CACNA2D1: variants seen among roughly 807,000 people sequenced by gnomAD.
CACNA2D1 encodes voltage-dependent calcium channel subunit alpha-2/delta-1.
A neutral mutation model predicts 171.5 loss-of-function variants in CACNA2D1; 53 were observed. The ratio of observed to expected loss-of-function variants is 0.31; its 90% confidence interval spans 0.25 to 0.39. The LOEUF is 0.39. Among genes scored for constraint, CACNA2D1 ranks in the 10% least tolerant of loss-of-function variants. CACNA2D1 has a pLI of 1.00. For synonymous variants in CACNA2D1, 442 were observed against 443.1 expected (o/e 1.00, Z 0.03); for missense variants, 903 against 1,299.8 (o/e 0.69, Z 4.69).
At chr7:82,047,984 G>T (rs1258324314) in intron 10 of CACNA2D1, among the ~76,000 whole-genome samples, 1 of 152,062 alleles carries the variant, frequency 6.6e-6, no homozygotes, top group East Asian at 1.9e-4. Context: ...ATCTAGGCCT[G>T]GAAGCATCCA....
chr7:82,203,408 C>T (rs1457264930), intron 3 of CACNA2D1, among the ~76,000 whole-genome samples: 3 of 152,152 alleles, frequency 2.0e-5, no homozygotes, highest in Admixed American at 1.3e-4. Flanking sequence ...GGGAGGGCGA[C>T]AATGAACTTT....
chr7:82,375,890 G>C (rs944784067), intron 1 of CACNA2D1, among the ~76,000 whole-genome samples: 1 of 152,126 alleles, frequency 6.6e-6, no homozygotes, highest in Non-Finnish European at 1.5e-5. Flanking sequence ...CTGACTCCAG[G>C]AGGAAGCTTA....
At position 82,250,501 on chromosome 7, in the gene CACNA2D1, C is replaced by T. The variant is rs1235838747; in HGVS notation, c.295-79892G>A. On this transcript the variant is annotated intron_variant, in intron 3 of 38. Transcript: ENST00000356860. ...ACTTCATCACATAAGTAGGTACATA[C>T]AGGCAATTCTTAGGGATCTGCACCT... Among the ~76,000 whole-genome samples, 4 of 152,218 alleles carry T rather than the reference C, an allele frequency of 2.6e-5. No homozygotes were observed. The East Asian group carries it at 7.7e-4, about 29-fold the overall frequency.
chr7:82,225,571 C>T (rs565700831), intron 3 of CACNA2D1, among the ~76,000 whole-genome samples: 1 of 152,166 alleles, frequency 6.6e-6, no homozygotes, highest in South Asian at 2.1e-4. Flanking sequence ...TTAGAAAAAG[C>T]CTATTCAATA....
chr7:82,331,584 C>T (rs905330643), intron 3 of CACNA2D1, among the ~76,000 whole-genome samples: 1 of 152,192 alleles, frequency 6.6e-6, no homozygotes. Context: ...CTATTCTACA[C>T]TTAATTAGCC....
At chr7:82,178,528 C>A (rs1263156978) in intron 3 of CACNA2D1, among the ~76,000 whole-genome samples, 2 of 152,066 alleles carry the variant, frequency 1.3e-5, no homozygotes, top group Non-Finnish European at 1.5e-5. Context: ...CATGAAAACC[C>A]CTCCAATCCC....
At chr7:82,223,059 A>G (rs993060264) in intron 3 of CACNA2D1, among the ~76,000 whole-genome samples, 5 of 151,742 alleles carry the variant, frequency 3.3e-5, no homozygotes, top group Non-Finnish European at 7.4e-5. Flanking sequence ...ACATGTCACC[A>G]CACCCAGCTA....
intron 3 of CACNA2D1, among the ~76,000 whole-genome samples, chr7:82,217,028 C>T (rs917689281): frequency 6.6e-6 from 1 of 151,598 alleles, no homozygotes; most frequent in Admixed American, 6.6e-5. Context: ...TGTATAGTTG[C>T]CAAATTTATA....
chr7:82,002,486 T>C (rs1798713554), intron 18 of CACNA2D1, among the ~76,000 whole-genome samples: 1 of 152,264 alleles, frequency 6.6e-6, no homozygotes, highest in Non-Finnish European at 1.5e-5. Context: ...CGTTTCATAT[T>C]TGTGCCTTTG....
rs368034381 is a variant in CACNA2D1, at chr7:82,039,999, G to C, written c.880-1764C>G. 3.9e-5 allele frequency among the ~76,000 whole-genome samples: 6 copies of C among 152,260 alleles called. No individual in the cohort carries two copies. The East Asian group carries it at 7.7e-4, about 20-fold the overall frequency. On this transcript the variant is annotated intron_variant, in intron 10 of 38. Transcript: ENST00000356860. ...ATCTTAAGCCAAATGTAAAATAATT[G>C]AATCTGGAATTTTAAGAGTGCATCC...
chr7:82,208,897 T>C (rs575605309), intron 3 of CACNA2D1, among the ~76,000 whole-genome samples: 1 of 152,316 alleles, frequency 6.6e-6, no homozygotes, highest in South Asian at 2.1e-4. Context: ...GATTTAGCCA[T>C]TCTACAATGT....
intron 12 of CACNA2D1, among the ~76,000 whole-genome samples, chr7:82,015,096 C>T (rs2130956568): frequency 6.6e-6 from 1 of 152,224 alleles, no homozygotes; most frequent in Admixed American, 6.5e-5. Context: ...GAAAATACAT[C>T]TTTGAGGTCC....
intron 4 of CACNA2D1, among the ~76,000 whole-genome samples, chr7:82,164,361 T>C (rs1290286612): frequency 6.6e-6 from 1 of 152,012 alleles, no homozygotes; most frequent in East Asian, 1.9e-4. Flanking sequence ...AACTACACAG[T>C]GAGCTATACT....
chr7:82,344,771 T>C (rs1819056128), intron 2 of CACNA2D1, among the ~76,000 whole-genome samples: 2 of 152,170 alleles, frequency 1.3e-5, no homozygotes, highest in Non-Finnish European at 2.9e-5. Context: ...CCTACATCGT[T>C]ATGGTGCTGA....
intron 3 of CACNA2D1, among the ~76,000 whole-genome samples, chr7:82,258,817 C>CTTTTA (rs1428142482): frequency 1.4e-5 from 1 of 72,618 alleles, no homozygotes; most frequent in Non-Finnish European, 2.6e-5. Flanking sequence ...TCTTACTTTT[C>CTTTTA]TTTTTTTTTT....
intron 18 of CACNA2D1, among the ~76,000 whole-genome samples, chr7:82,002,599 T>C (rs1441596304): frequency 6.6e-6 from 1 of 152,226 alleles, no homozygotes; most frequent in Non-Finnish European, 1.5e-5. Flanking sequence ...ACATAGATTA[T>C]GCACAATTTC....
At position 82,111,394 on chromosome 7, in the gene CACNA2D1, GTATA is replaced by G. The variant is rs1169376282; in HGVS notation, c.526+5646_526+5649del. 1.9e-4 allele frequency among the ~76,000 whole-genome samples: 21 copies of G among 107,760 alleles called. 1 individual carries two copies. Among genetic ancestry groups the G allele is most frequent in the Admixed American group, 7.1e-4 (7 of 9,802 alleles). 70.7% of individuals were successfully genotyped at this position (107,760 alleles called of 152,430 possible). ...TATATATTCATATATGTGTATATATGTATATATATATTCATATATGTGTATATAT... is the reference window on the plus strand; with the variant it reads ...TATATATTCATATATGTGTATATATGTATATATTCATATATGTGTATATAT... On this transcript the variant is annotated intron_variant, in intron 6 of 38. Transcript: ENST00000356860.
In CACNA2D1 at chr7:81,998,545, G is replaced by C. The variant is rs76205058; in HGVS notation, c.1591-1295C>G. ...TGACAAAAATGCCTTCCTTCAAAGA[G>C]TAATTCCACCTAAAGATGAAAATTT... On this transcript the variant is annotated intron_variant, in intron 18 of 38. Transcript: ENST00000356860. Among the ~76,000 whole-genome samples, 497 of 152,026 alleles carry C rather than the reference G, an allele frequency of 3.3e-3. 2 individuals carry two copies. Among genetic ancestry groups the C allele is most frequent in the African/African-American group, 0.011 (467 of 41,534 alleles).
intron 9 of CACNA2D1, among the ~76,000 whole-genome samples, chr7:82,061,500 T>C (rs567480491): frequency 1.3e-5 from 2 of 152,304 alleles, no homozygotes; most frequent in African/African-American, 4.8e-5. Context: ...AGCTCATAGA[T>C]ACCGACTAAA....
Sources: allele counts gnomAD v4.1 joint callset (sites outside exome capture counted in the v4.1 genomes callset), GRCh38; gene constraint gnomAD v4.1.1; transcripts MANE v1.5; gene names NCBI Gene and HGNC (gene_info 2026-07-23, HGNC 2026-07-21).